The following ATP10B variants were observed in gnomAD, a reference collection of about 807,000 sequenced individuals.
The protein encoded by ATP10B is phospholipid-transporting ATPase VB.
A neutral mutation model predicts 141.2 loss-of-function variants in ATP10B; 122 were observed. The ratio of observed to expected loss-of-function variants is 0.86; its 90% CI spans 0.75 to 1.00. The LOEUF is 1.00. Among genes scored for constraint, ATP10B ranks in the 50% least tolerant of loss-of-function variants. The pLI, the probability that ATP10B is intolerant of heterozygous loss-of-function variation, is 0.00. For missense variants in ATP10B, 1,876 were observed against 1,825.3 expected (o/e 1.03, Z -0.51); for synonymous variants, 685 against 692.0 (o/e 0.99, Z 0.16).
At chr5:160,646,889 T>C (rs1212144250) in intron 8 of ATP10B, among the ~76,000 whole-genome samples, 1 of 152,246 alleles carries the variant, frequency 6.6e-6, no homozygotes, top group South Asian at 2.1e-4. Flanking sequence ...CTTGGTGTTA[T>C]GAACATTTTG....
At chr5:160,686,640 G>A (rs1346930566) in intron 5 of ATP10B, among the ~76,000 whole-genome samples, 3 of 152,150 alleles carry the variant, frequency 2.0e-5, no homozygotes, top group Non-Finnish European at 4.4e-5. Context: ...GGATGAGACT[G>A]GAGATGATTA....
intron 1 of ATP10B, among the ~76,000 whole-genome samples, chr5:160,822,387 A>G (rs1774177264): frequency 6.6e-6 from 1 of 152,202 alleles, no homozygotes; most frequent in Non-Finnish European, 1.5e-5. Context: ...ATATGAAGAA[A>G]AGGGAACCCT....
At chr5:160,841,736 TA>T (rs900597162) in intron 1 of ATP10B, among the ~76,000 whole-genome samples, 36 of 152,242 alleles carry the variant, frequency 2.4e-4, no homozygotes, top group Admixed American at 7.2e-4. Context: ...AATTTATTAT[TA>T]TTTTTTTAAA....
At chr5:160,645,923 T>G (rs1760246546) in intron 8 of ATP10B, among the ~76,000 whole-genome samples, 2 of 152,176 alleles carry the variant, frequency 1.3e-5, no homozygotes, top group South Asian at 4.1e-4. Flanking sequence ...AGTGGCAGAA[T>G]GGGGATTCAA....
chr5:160,778,279 G>A (rs1270285715), intron 2 of ATP10B, among the ~76,000 whole-genome samples: 1 of 152,144 alleles, frequency 6.6e-6, no homozygotes, highest in East Asian at 1.9e-4. Flanking sequence ...TCCCAGTGAG[G>A]TGGCAGCATT....
chr5:160,896,675 C>T, the ATP10B span, among the ~76,000 whole-genome samples: 1 of 152,094 alleles, frequency 6.6e-6, no homozygotes, highest in Non-Finnish European at 1.5e-5. Context: ...AAAAGAGGGA[C>T]TCCTCCCTAA....
rs1755667476 is a variant in ATP10B at position 160,583,259 on chromosome 5, G to C, written c.3750+6333C>G. ...TTTGATGTTAGTGAACTTCAGATGGGGTTTCTGTATGGGCTTTTTTTTGTT... is the reference window on the plus strand; with the variant it reads ...TTTGATGTTAGTGAACTTCAGATGGCGTTTCTGTATGGGCTTTTTTTTGTT... On this transcript the variant is annotated intron_variant, in intron 24 of 25. Transcript: ENST00000327245. Among the ~76,000 whole-genome samples, 3 of 150,850 alleles carry C rather than the reference G, an allele frequency of 2.0e-5. No individual in the cohort carries two copies. In the South Asian group the frequency reaches 6.2e-4, roughly 31 times the overall value.
chr5:160,827,220 AT>A (rs1774680790), intron 1 of ATP10B, among the ~76,000 whole-genome samples: 1 of 152,134 alleles, frequency 6.6e-6, no homozygotes, highest in Non-Finnish European at 1.5e-5. Context: ...TGTACTCTTT[AT>A]TTCTCAGCCG....
chr5:160,808,140 C>T (rs1296642321), intron 1 of ATP10B, among the ~76,000 whole-genome samples: 1 of 152,052 alleles, frequency 6.6e-6, no homozygotes, highest in Non-Finnish European at 1.5e-5. Context: ...AAAAGACACA[C>T]TTGGAAAAGT....
chr5:160,688,620 A>G (rs1234007243), intron 4 of ATP10B, 140 bp downstream of exon 4: 9 of 351,550 alleles, frequency 2.6e-5, no homozygotes, highest in Non-Finnish European at 3.6e-5. Flanking sequence ...TTATTCCACA[A>G]GATTTTTGTG....
At chr5:160,591,956 T>C (rs2127613418) in intron 22 of ATP10B, among the ~76,000 whole-genome samples, 1 of 152,184 alleles carries the variant, frequency 6.6e-6, no homozygotes, top group East Asian at 1.9e-4. Context: ...AATACTACAC[T>C]TGGCTTTGCC....
At chr5:160,871,142 TAAGTAA>T in the ATP10B span, among the ~76,000 whole-genome samples, 2 of 152,084 alleles carry the variant, frequency 1.3e-5, no homozygotes, top group African/African-American at 4.8e-5. Flanking sequence ...CATCAAAGAA[TAAGTAA>T]AAGTGAAACT....
rs1369135656 is a variant in ATP10B, at chr5:160,617,966, G to A, written c.2424C>T (p.Asp808=). 4 of 1,613,590 alleles carry A rather than the reference G, an allele frequency of 2.5e-6. No homozygotes were observed. Among genetic ancestry groups the A allele is most frequent in the South Asian group, 1.1e-5 (1 of 91,078 alleles). ...TTCTCAGCTTCTTTTCCATATTAAT[G>A]TCAGGTACTGTCAAATAGCCATTTT... is the stretch of plus-strand genomic sequence containing the variant. The part of the protein sequence containing the change: ...DLLEDPACVP[D]INMEKKLRKI... Residue 808 remains aspartate, a synonymous_variant, in exon 16 of 26, where the codon GAC becomes GAT. Transcript: ENST00000327245.
intron 2 of ATP10B, among the ~76,000 whole-genome samples, chr5:160,729,261 C>T (rs1766574962): frequency 6.7e-6 from 1 of 148,860 alleles, no homozygotes; most frequent in East Asian, 2.1e-4. Flanking sequence ...TGGGCTGTGC[C>T]ACTTGGTTCA....
At position 160,676,709 on chromosome 5, in the gene ATP10B, T is replaced by C. The variant is rs2127733590; in HGVS notation, c.471-6042A>G. 3.9e-5 allele frequency among the ~76,000 whole-genome samples: 6 copies of C among 152,380 alleles called. 1 individual carries two copies. In the South Asian group the frequency reaches 1.2e-3, roughly 32 times the overall value. On this transcript the variant is annotated intron_variant, in intron 6 of 25. Coordinates refer to ENST00000327245, the MANE Select transcript of ATP10B (RefSeq NM_025153.3). ...TTTGGCCATTTTAACATCTTTGTTA[T>C]AGATACCCTAGTGGAGACTTCTAAC...
chr5:160,808,955 T>G (rs1368580506), intron 1 of ATP10B, among the ~76,000 whole-genome samples: 1 of 152,192 alleles, frequency 6.6e-6, no homozygotes, highest in Non-Finnish European at 1.5e-5. Context: ...TGCTGGTGGT[T>G]TGCTGGCAGT....
At chr5:160,804,893 C>T (rs1003313660) in intron 1 of ATP10B, among the ~76,000 whole-genome samples, 2 of 152,172 alleles carry the variant, frequency 1.3e-5, no homozygotes, top group Non-Finnish European at 2.9e-5. Context: ...TCAGTAACCC[C>T]CCACCACCAA....
intron 2 of ATP10B, among the ~76,000 whole-genome samples, chr5:160,743,638 GA>G (rs1767624186): frequency 6.6e-6 from 1 of 152,178 alleles, no homozygotes; most frequent in South Asian, 2.1e-4. Context: ...CTCAATCTAT[GA>G]ACCAGGGCGT....
intron 2 of ATP10B, among the ~76,000 whole-genome samples, chr5:160,780,574 T>C (rs1187731822): frequency 6.6e-6 from 1 of 152,134 alleles, no homozygotes; most frequent in Non-Finnish European, 1.5e-5. Flanking sequence ...CTCATTGGGG[T>C]TATTTCCAGG....
Sources: gnomAD v4.1 joint callset for allele counts (sites outside exome capture counted in the v4.1 genomes callset) on GRCh38, gnomAD v4.1.1 for gene constraint, MANE v1.5 for transcripts, NCBI Gene and HGNC (gene_info 2026-07-23, HGNC 2026-07-21) for gene names.